SIAE: variants seen among roughly 807,000 people sequenced by gnomAD.
SIAE encodes the protein sialate O-acetylesterase.
Under a neutral mutation model 52.6 loss-of-function variants are expected in SIAE, and 39 were observed. That is an observed-to-expected ratio of 0.74 (90% CI 0.57 to 0.97). The LOEUF is 0.97. Ranked by LOEUF, SIAE falls within the 50% of genes least tolerant of loss-of-function variation. The pLI, the probability that SIAE is intolerant of heterozygous loss-of-function variation, is 0.00. For missense variants in SIAE, 592 were observed against 662.1 expected (o/e 0.89, Z 1.16); for synonymous variants, 233 against 241.4 (o/e 0.97, Z 0.32).
At chr11:124,658,251 C>G (rs1243013008) in intron 3 of SIAE, among the ~76,000 whole-genome samples, 2 of 150,614 alleles carry the variant, frequency 1.3e-5, no homozygotes, top group Non-Finnish European at 2.9e-5. Context: ...CACACACACA[C>G]ACACACACAC....
intron 2 of SIAE, among the ~76,000 whole-genome samples, chr11:124,666,230 G>A (rs2134389865): frequency 6.6e-6 from 1 of 152,160 alleles, no homozygotes; most frequent in South Asian, 2.1e-4. Context: ...GGGGACTATG[G>A]GTAATAAGTT....
Position 124,660,675 on chromosome 11 carries a change from C to T in SIAE, c.358G>A (p.Val120Ile), listed in dbSNP as rs767234103. The T allele has an allele frequency of 5.3e-5, 85 of 1,614,066 alleles. No individual in the cohort carries two copies. The highest frequency in any genetic ancestry group is 6.8e-5 in the Non-Finnish European group (80 of 1,180,040). Residue 120 changes from valine to isoleucine, a missense_variant, in exon 3 of 10, where the codon GTC (valine) becomes ATC (isoleucine). Transcript: ENST00000263593. ...LRVHDVLFGD[V>I]WLCSGQSNMQ... ...TTACTCTGCCCACTACAGAGCCAGA[C>T]ATCTCCAAACAGGACGTCATGAACT...
rs908925326 is a variant in SIAE at position 124,638,830 on chromosome 11, G to T, written c.1125-93C>A. 12 of 984,614 alleles carry T rather than the reference G, an allele frequency of 1.2e-5. No homozygotes were observed. The African/African-American group carries it at 1.6e-4, about 13-fold the overall frequency. The allele number at this position is 984,614 out of a possible 1,614,324, so 61.0% of individuals were successfully genotyped here. On this transcript the variant is annotated intron_variant, in intron 8 of 9. Transcript: ENST00000263593. ...GGGGATTATACAAAGCACCCTTTAT[G>T]AAAGTAAGAATAAAGTTGACTGAAC... is the stretch of plus-strand genomic sequence containing the variant.
intron 4 of SIAE, chr11:124,654,170 T>C (rs1319426186): frequency 7.4e-6 from 7 of 941,014 alleles, no homozygotes; most frequent in African/African-American, 3.6e-5. Flanking sequence ...AGACTGAGAC[T>C]CCGTCTCAAA....
chr11:124,636,876 T>A lies in SIAE; in HGVS notation c.*75A>T, dbSNP rs1320143969. The A allele has an allele frequency of 4.4e-6, 7 of 1,596,622 alleles. No individual in the cohort carries two copies. The highest frequency in any genetic ancestry group is 5.1e-6 in the Non-Finnish European group (6 of 1,165,982). ...TATTAATTTCCTTTAAAAGCAATGG[T>A]TATTATTGAAACTCCTAAATGCTAA... is the stretch of plus-strand genomic sequence containing the variant. On this transcript the variant is annotated 3_prime_UTR_variant, in exon 10 of 10. Coordinates refer to ENST00000263593, the MANE Select transcript of SIAE (RefSeq NM_170601.5).
chr11:124,642,644 T>G (rs896997914), intron 7 of SIAE, among the ~76,000 whole-genome samples: 2 of 152,226 alleles, frequency 1.3e-5, no homozygotes, highest in African/African-American at 2.4e-5. Context: ...ACTCTCCTCT[T>G]TGTGGTAGGG....
intron 7 of SIAE, among the ~76,000 whole-genome samples, chr11:124,641,913 T>TTG (rs1390469636): frequency 1.3e-5 from 2 of 148,838 alleles, no homozygotes; most frequent in Admixed American, 6.7e-5. Flanking sequence ...TGAGCCAAGA[T>TTG]TGTGCCACTG....
intron 7 of SIAE, 82 bp from the exon 8 acceptor site, chr11:124,639,949 TTC>T (rs1942818073): frequency 2.0e-6 from 3 of 1,489,312 alleles, no homozygotes; most frequent in South Asian, 1.1e-5. Context: ...CTGCTTCTGC[TTC>T]TCTCATTGCA....
chr11:124,649,567 C>A, intron 5 of SIAE, 52 bp downstream of exon 5: 2 of 1,599,384 alleles, frequency 1.3e-6, no homozygotes, highest in Non-Finnish European at 1.7e-6. Flanking sequence ...GACCCTCTCT[C>A]TTGCATAATT....
chr11:124,643,022 C>G (rs1942873413), intron 7 of SIAE, among the ~76,000 whole-genome samples: 1 of 152,184 alleles, frequency 6.6e-6, no homozygotes, highest in Non-Finnish European at 1.5e-5. Context: ...CCACCCTCAG[C>G]AGAAGATCCA....
chr11:124,643,889 C>T (rs1325551050), intron 7 of SIAE, among the ~76,000 whole-genome samples: 4 of 152,072 alleles, frequency 2.6e-5, no homozygotes, highest in Non-Finnish European at 4.4e-5. Context: ...ATGTCTGACC[C>T]CATCAGAGGA....
intron 8 of SIAE, 93 bp from the exon 9 acceptor site, chr11:124,638,830 G>A: frequency 1.0e-6 from 1 of 984,614 alleles, no homozygotes; most frequent in Non-Finnish European, 1.6e-6. Flanking sequence ...CACCCTTTAT[G>A]AAAGTAAGAA....
At chr11:124,673,097 A>G (rs1206486876) in intron 1 of SIAE, among the ~76,000 whole-genome samples, 1 of 152,128 alleles carries the variant, frequency 6.6e-6, no homozygotes, top group East Asian at 1.9e-4. Context: ...GCGGTACCAG[A>G]AATCAAAACT....
At chr11:124,655,368 G>A (rs1943082092) in intron 3 of SIAE, among the ~76,000 whole-genome samples, 1 of 151,944 alleles carries the variant, frequency 6.6e-6, no homozygotes, top group Non-Finnish European at 1.5e-5. Context: ...GTAGAGACGG[G>A]GTTTCACCGT....
chr11:124,660,651 T>TACTCTGCC lies in SIAE; in HGVS notation c.374_381dup (p.Asn128GlyfsTer7). On this transcript the variant is annotated frameshift_variant, in exon 3 of 10. Transcript: ENST00000263593. LOFTEE classifies it high-confidence loss of function. ...ACCTGTAACACAGTCATCTGCATGTTACTCTGCCCACTACAGAGCCAGACA... is the reference window on the plus strand; with the variant it reads ...ACCTGTAACACAGTCATCTGCATGTTACTCTGCCACTCTGCCCACTACAGAGCCAGACA... The TACTCTGCC allele has an allele frequency of 6.2e-7, 1 of 1,614,188 alleles. No individual in the cohort carries two copies. The highest frequency in any genetic ancestry group is 8.5e-7 in the Non-Finnish European group (1 of 1,180,034).
rs180791771 is a variant in SIAE at position 124,657,217 on chromosome 11, C to G, written c.406-2424G>C. ...AGAAAATTCCACAGGAAATCCAGACCTGTTTGTTCAGGATCATACCTGGCA... is the reference window on the plus strand; with the variant it reads ...AGAAAATTCCACAGGAAATCCAGACGTGTTTGTTCAGGATCATACCTGGCA... On this transcript the variant is annotated intron_variant, in intron 3 of 9. Coordinates refer to ENST00000263593, the MANE Select transcript of SIAE (RefSeq NM_170601.5). 1.6e-3 allele frequency among the ~76,000 whole-genome samples: 237 copies of G among 152,278 alleles called. 2 individuals are homozygous for G. In the Middle Eastern group the frequency reaches 0.02, roughly 13 times the overall value.
upstream of SIAE, chr11:124,675,323 T>C: frequency 6.2e-7 from 1 of 1,614,216 alleles, no homozygotes; most frequent in South Asian, 1.1e-5. Flanking sequence ...GGGAATCTTC[T>C]TGAAGGGCTG....
In SIAE at chr11:124,637,150, G is replaced by C. The variant is rs770537556; in HGVS notation, c.1373C>G (p.Thr458Ser). The C allele has an allele frequency of 6.2e-7, 1 of 1,614,192 alleles. No homozygotes were observed. Among genetic ancestry groups the C allele is most frequent in the Non-Finnish European group, 8.5e-7 (1 of 1,180,034 alleles). ...RCKWLPASMN[T>S]VSTQSLTLAI... ...CAGGGTCAGGGACTGGGTGGAGACG[G>C]TGTTCATAGAAGCTGGAAGCCACTT... Residue 458 changes from threonine to serine, a missense_variant, in exon 10 of 10, where the codon ACC (threonine) becomes AGC (serine). Coordinates refer to ENST00000263593, the MANE Select transcript of SIAE (RefSeq NM_170601.5).
At chr11:124,657,974 T>C (rs936619710) in intron 3 of SIAE, among the ~76,000 whole-genome samples, 2 of 152,180 alleles carry the variant, frequency 1.3e-5, no homozygotes, top group African/African-American at 4.8e-5. Context: ...AGTGTTATTA[T>C]TTTTTTACCA....
Sources: gnomAD v4.1 joint callset for allele counts (sites outside exome capture counted in the v4.1 genomes callset) on GRCh38, gnomAD v4.1.1 for gene constraint, MANE v1.5 for transcripts, NCBI Gene and HGNC (gene_info 2026-07-23, HGNC 2026-07-21) for gene names.